The following BABAM2 variants were observed in gnomAD, a reference collection of about 807,000 sequenced individuals.
BABAM2 encodes the protein BRISC and BRCA1 A complex member 2, also known as BRISC and BRCA1-A complex member 2.
Under a neutral mutation model 54.7 loss-of-function variants are expected in BABAM2, and 31 were observed. The observed-to-expected ratio is 0.57, with a 90% CI of 0.43 to 0.77. The LOEUF (loss-of-function observed/expected upper bound fraction) is 0.77. BABAM2 is among the 30% of genes least tolerant of loss of function. The probability of loss-of-function intolerance (pLI) is 0.00; values close to 1 mark genes in which losing one functional copy is unlikely to be tolerated. For synonymous variants in BABAM2, 167 were observed against 162.9 expected (o/e 1.03, Z -0.19); for missense variants, 364 against 455.8 (o/e 0.80, Z 1.83).
At chr2:28,072,576 G>T (rs1255390519) in intron 6 of BABAM2, among the ~76,000 whole-genome samples, 1 of 151,928 alleles carries the variant, frequency 6.6e-6, no homozygotes, top group Non-Finnish European at 1.5e-5. Flanking sequence ...TAGTAGAGAC[G>T]GGGTTTCACT....
At chr2:28,328,788 C>G (rs2148328577) in intron 11 of BABAM2, among the ~76,000 whole-genome samples, 1 of 152,250 alleles carries the variant, frequency 6.6e-6, no homozygotes, top group South Asian at 2.1e-4. Flanking sequence ...GAGCATGACC[C>G]CTGCCACACC....
chr2:28,198,258 G>A (rs1677839881), intron 7 of BABAM2, among the ~76,000 whole-genome samples: 1 of 151,966 alleles, frequency 6.6e-6, no homozygotes, highest in South Asian at 2.1e-4. Context: ...CCGCCTCCCG[G>A]GTTCACGCCA....
At chr2:28,099,016 A>G (rs1195037208) in intron 6 of BABAM2, among the ~76,000 whole-genome samples, 1 of 152,104 alleles carries the variant, frequency 6.6e-6, no homozygotes, top group Non-Finnish European at 1.5e-5. Flanking sequence ...CCTTGTTTTG[A>G]TCTCTTGTTC....
intron 4 of BABAM2, among the ~76,000 whole-genome samples, chr2:28,020,405 T>C (rs1315289900): frequency 6.6e-6 from 1 of 152,206 alleles, no homozygotes; most frequent in Non-Finnish European, 1.5e-5. Flanking sequence ...TATGCATGTA[T>C]ATACACTCAG....
At chr2:28,075,558 A>G (rs1001539336) in intron 6 of BABAM2, among the ~76,000 whole-genome samples, 12 of 147,930 alleles carry the variant, frequency 8.1e-5, no homozygotes, top group African/African-American at 2.7e-4. Flanking sequence ...TTCTCTGTGC[A>G]TGTGTGTGTG....
At chr2:28,318,112 G>C (rs550077543) in intron 11 of BABAM2, among the ~76,000 whole-genome samples, 1 of 152,302 alleles carries the variant, frequency 6.6e-6, no homozygotes, top group African/African-American at 2.4e-5. Context: ...TGCCTTGGTG[G>C]CCCTGAGGCC....
intron 7 of BABAM2, among the ~76,000 whole-genome samples, chr2:28,192,614 C>G (rs1442390026): frequency 2.7e-5 from 4 of 149,130 alleles, no homozygotes; most frequent in Non-Finnish European, 6.0e-5. Context: ...CTCTGCCTCC[C>G]GGGTTCAAGT....
At chr2:28,336,374 T>C (rs1691469830) in intron 11 of BABAM2, among the ~76,000 whole-genome samples, 1 of 151,926 alleles carries the variant, frequency 6.6e-6, no homozygotes, top group African/African-American at 2.4e-5. Context: ...GATGAAAACA[T>C]CCATTTGGAA....
chr2:28,203,899 G>A (rs1339523849), intron 7 of BABAM2, among the ~76,000 whole-genome samples: 2 of 152,076 alleles, frequency 1.3e-5, no homozygotes, highest in African/African-American at 2.4e-5. Context: ...GAAAGGCTGC[G>A]CCAGTTTAGA....
intron 7 of BABAM2, among the ~76,000 whole-genome samples, chr2:28,145,999 G>T (rs1671465408): frequency 6.6e-6 from 1 of 152,146 alleles, no homozygotes. Flanking sequence ...CATTTGGATT[G>T]TTACCACTTT....
intron 4 of BABAM2, among the ~76,000 whole-genome samples, chr2:27,997,195 T>C (rs1023696743): frequency 3.9e-5 from 6 of 152,198 alleles, no homozygotes; most frequent in African/African-American, 9.6e-5. Flanking sequence ...ACCTAGGTGT[T>C]CACTTCCAAT....
chr2:28,315,443 TTTCTTTTCTTTTCTTTTC>T (rs2148292766), intron 11 of BABAM2, among the ~76,000 whole-genome samples: 1 of 118,200 alleles, frequency 8.5e-6, no homozygotes, highest in East Asian at 2.1e-4. Context: ...TTTCTTTTCT[TTTCTTTTCTTTTCTTTTC>T]TTTTCTTTTC....
intron 6 of BABAM2, among the ~76,000 whole-genome samples, chr2:28,121,186 C>T (rs572490235): frequency 1.2e-4 from 19 of 152,304 alleles, no homozygotes; most frequent in African/African-American, 2.9e-4. Flanking sequence ...AGTAAAGCCC[C>T]GGGTTTAGCC....
At chr2:28,173,135 T>C (rs143547763) in intron 7 of BABAM2, among the ~76,000 whole-genome samples, 2,011 of 152,298 alleles carry the variant, frequency 0.013, 29 homozygotes, top group South Asian at 0.05. Context: ...CTAAATATTA[T>C]CACACTGAGG....
At chr2:27,960,825 A>G (rs1670414136) in intron 3 of BABAM2, among the ~76,000 whole-genome samples, 2 of 152,190 alleles carry the variant, frequency 1.3e-5, no homozygotes, top group South Asian at 4.1e-4. Context: ...ACATGTTAGG[A>G]AATAAATATC....
At chr2:28,292,283 A>G (rs1021329397) in intron 10 of BABAM2, among the ~76,000 whole-genome samples, 3 of 152,204 alleles carry the variant, frequency 2.0e-5, no homozygotes, top group East Asian at 1.9e-4. Flanking sequence ...TTTGTTTGGC[A>G]TTTTCAAGGA....
intron 7 of BABAM2, among the ~76,000 whole-genome samples, chr2:28,176,835 T>G (rs547020165): frequency 2.0e-4 from 21 of 104,012 alleles, no homozygotes; most frequent in South Asian, 8.4e-4. Context: ...AATAACCCAG[T>G]CAGAACAAAA....
chr2:28,107,452 C>A (rs1004546888), intron 6 of BABAM2, among the ~76,000 whole-genome samples: 7 of 152,190 alleles, frequency 4.6e-5, no homozygotes, highest in Admixed American at 3.9e-4. Flanking sequence ...TTGTCTTTCA[C>A]CCTTCTCACC....
At chr2:28,090,007 G>A (rs1666024110) in intron 6 of BABAM2, among the ~76,000 whole-genome samples, 1 of 151,716 alleles carries the variant, frequency 6.6e-6, no homozygotes, top group South Asian at 2.1e-4. Context: ...AGTCTTCTGT[G>A]TCCTCAGACA....
Sources: allele counts gnomAD v4.1 joint callset (sites outside exome capture counted in the v4.1 genomes callset), GRCh38; gene constraint gnomAD v4.1.1; transcripts MANE v1.5; gene names NCBI Gene and HGNC (gene_info 2026-07-23, HGNC 2026-07-21).